The following BMPER variants were observed in gnomAD, a reference collection of about 807,000 sequenced individuals.
BMPER encodes the protein BMP-binding endothelial regulator protein.
In BMPER, 45 loss-of-function variants were observed where a neutral mutation model predicts 87.3. The ratio of observed to expected loss-of-function variants is 0.52; its 90% CI spans 0.41 to 0.66. The LOEUF (loss-of-function observed/expected upper bound fraction) is 0.66. Ranked by LOEUF, BMPER falls within the 30% of genes least tolerant of loss-of-function variation. BMPER has a pLI of 0.00. For missense variants in BMPER, 784 were observed against 867.5 expected (o/e 0.90, Z 1.21); for synonymous variants, 326 against 316.2 (o/e 1.03, Z -0.33).
At chr7:33,961,309 C>A (rs778348933) in intron 3 of BMPER, among the ~76,000 whole-genome samples, 33 of 152,174 alleles carry the variant, frequency 2.2e-4, no homozygotes, top group Non-Finnish European at 4.6e-4. Flanking sequence ...GATTCCTCTT[C>A]CACTTCCTAC....
intron 3 of BMPER, among the ~76,000 whole-genome samples, chr7:33,941,183 A>G (rs1784756192): frequency 7.1e-6 from 1 of 140,646 alleles, no homozygotes; most frequent in Non-Finnish European, 1.5e-5. Context: ...TATATATAAT[A>G]TAATTTATAT....
intron 2 of BMPER, among the ~76,000 whole-genome samples, chr7:33,912,488 A>G (rs545466715): frequency 6.6e-6 from 1 of 152,328 alleles, no homozygotes; most frequent in Admixed American, 6.5e-5. Flanking sequence ...TAAGTGTAGG[A>G]AATAATGTTG....
At chr7:33,950,203 G>A (rs1428472011) in intron 3 of BMPER, among the ~76,000 whole-genome samples, 1 of 152,112 alleles carries the variant, frequency 6.6e-6, no homozygotes, top group Admixed American at 6.5e-5. Context: ...GGGCCAAGTT[G>A]CGAATGTTCC....
rs1583487606 is a variant in BMPER at position 34,153,165 on chromosome 7, T to C, written c.1950T>C (p.Asn650=). 3.7e-6 allele frequency: 6 copies of C among 1,614,122 alleles called. No homozygotes were observed. The highest frequency in any genetic ancestry group is 5.1e-6 in the Non-Finnish European group (6 of 1,179,990). ...PGCIKTCDNW[N]EIGPCNKPCV... Reference sequence around the variant, plus strand: ...GTATCAAGACGTGTGACAACTGGAATGAAATTGGTCCATGCAACAAGCCGT... The same window carrying C: ...GTATCAAGACGTGTGACAACTGGAACGAAATTGGTCCATGCAACAAGCCGT... Residue 650 remains asparagine (N), a synonymous_variant, in exon 15 of 15, where the codon AAT becomes AAC. Coordinates refer to ENST00000649409, the MANE Select transcript of BMPER (RefSeq NM_001365308.1).
chr7:33,905,893 C>A, intron 1 of BMPER, 147 bp downstream of exon 1: 1 of 1,174,462 alleles, frequency 8.5e-7, no homozygotes, highest in Non-Finnish European at 1.2e-6. Context: ...TGAAGCGAAG[C>A]CCCGGGAGGG....
At chr7:34,005,737 G>T (rs940794496) in intron 6 of BMPER, among the ~76,000 whole-genome samples, 6 of 151,936 alleles carry the variant, frequency 3.9e-5, no homozygotes, top group Non-Finnish European at 8.8e-5. Flanking sequence ...TGTTGACAGA[G>T]TTCTTATTGC....
At chr7:34,015,457 T>C (rs540457437) in intron 6 of BMPER, among the ~76,000 whole-genome samples, 9 of 152,014 alleles carry the variant, frequency 5.9e-5, no homozygotes, top group Admixed American at 2.6e-4. Context: ...ATTCCACCTA[T>C]TGGAATTTGA....
At chr7:33,942,002 C>T (rs1007496449) in intron 3 of BMPER, among the ~76,000 whole-genome samples, 1 of 152,022 alleles carries the variant, frequency 6.6e-6, no homozygotes, top group African/African-American at 2.4e-5. Flanking sequence ...ACAGCGTGTA[C>T]CTAACATAGT....
At chr7:34,145,331 T>C (rs1296955255) in intron 14 of BMPER, among the ~76,000 whole-genome samples, 1 of 152,184 alleles carries the variant, frequency 6.6e-6, no homozygotes, top group Non-Finnish European at 1.5e-5. Flanking sequence ...GACTCCATTT[T>C]GGTTGCGCCC....
At chr7:34,138,243 G>T (rs1201024153) in intron 13 of BMPER, among the ~76,000 whole-genome samples, 1 of 152,190 alleles carries the variant, frequency 6.6e-6, no homozygotes, top group Non-Finnish European at 1.5e-5. Flanking sequence ...TAGTTCTGAA[G>T]GCTTCTCTGC....
chr7:34,129,621 AGAG>A (rs1790512538), intron 13 of BMPER, among the ~76,000 whole-genome samples: 1 of 129,768 alleles, frequency 7.7e-6, no homozygotes, highest in Non-Finnish European at 1.6e-5. Context: ...AGAGAGAGAG[AGAG>A]AAAGAGAGAA....
intron 13 of BMPER, among the ~76,000 whole-genome samples, chr7:34,138,053 G>A (rs1398630011): frequency 6.6e-6 from 1 of 152,210 alleles, no homozygotes; most frequent in Admixed American, 6.5e-5. Context: ...TCCAATATGG[G>A]GGCCATTGGC....
chr7:34,091,548 C>T (rs1277295567), intron 13 of BMPER, among the ~76,000 whole-genome samples: 1 of 152,204 alleles, frequency 6.6e-6, no homozygotes, highest in Non-Finnish European at 1.5e-5. Flanking sequence ...TAGCACTTAT[C>T]ACATTTCAGT....
At chr7:33,951,503 G>T (rs532002239) in intron 3 of BMPER, among the ~76,000 whole-genome samples, 1 of 152,094 alleles carries the variant, frequency 6.6e-6, no homozygotes, top group African/African-American at 2.4e-5. Flanking sequence ...ATTCTTTCCC[G>T]GCATCCATGG....
chr7:34,053,127 C>T (rs188929450), intron 8 of BMPER, among the ~76,000 whole-genome samples: 66 of 152,234 alleles, frequency 4.3e-4, no homozygotes, highest in Non-Finnish European at 5.7e-4. Context: ...TTATGCTTGC[C>T]GTGCTTTGGG....
chr7:33,919,629 C>A (rs1412891980), intron 2 of BMPER, among the ~76,000 whole-genome samples: 1 of 152,030 alleles, frequency 6.6e-6, no homozygotes, highest in Non-Finnish European at 1.5e-5. Flanking sequence ...CTGGAGTAGG[C>A]AAATGATTGA....
At chr7:34,135,617 C>G (rs1790699756) in intron 13 of BMPER, among the ~76,000 whole-genome samples, 1 of 152,154 alleles carries the variant, frequency 6.6e-6, no homozygotes, top group African/African-American at 2.4e-5. Flanking sequence ...ACATGACTAT[C>G]AAATCTAAGA....
chr7:33,973,147 T>C (rs766051351), intron 5 of BMPER, among the ~76,000 whole-genome samples: 2 of 152,262 alleles, frequency 1.3e-5, no homozygotes, highest in Admixed American at 6.5e-5. Flanking sequence ...ACAGTTTGCA[T>C]AGAATTTTCA....
At chr7:34,048,397 A>G (rs1237435215) in intron 7 of BMPER, among the ~76,000 whole-genome samples, 1 of 152,164 alleles carries the variant, frequency 6.6e-6, no homozygotes, top group Non-Finnish European at 1.5e-5. Context: ...GAAACAGAAG[A>G]ACAAAGCAGA....
Sources: gnomAD v4.1 joint callset for allele counts (sites outside exome capture counted in the v4.1 genomes callset) on GRCh38, gnomAD v4.1.1 for gene constraint, MANE v1.5 for transcripts, NCBI Gene and HGNC (gene_info 2026-07-23, HGNC 2026-07-21) for gene names.